The following SYNE1 variants were observed in gnomAD, a reference collection of about 807,000 sequenced individuals.
SYNE1 encodes the protein nesprin-1.
A neutral mutation model predicts 1,111.0 loss-of-function variants in SYNE1; 616 were observed. The ratio of observed to expected loss-of-function variants is 0.55; its 90% CI spans 0.52 to 0.59. SYNE1 has a LOEUF of 0.59. Among genes scored for constraint, SYNE1 ranks in the 20% least tolerant of loss-of-function variants. The probability of loss-of-function intolerance (pLI) is 0.00; values close to 1 mark genes in which losing one functional copy is unlikely to be tolerated. For missense variants in SYNE1, 10,006 were observed against 10,417.0 expected (o/e 0.96, Z 1.72); for synonymous variants, 3,855 against 3,825.8 (o/e 1.01, Z -0.28).
intron 6 of SYNE1, chr6:152,511,452 T>G (rs956287086): frequency 1.2e-6 from 1 of 865,552 alleles, no homozygotes; most frequent in Admixed American, 2.2e-5. Context: ...TAAAAGAAAC[T>G]GCAATGAGAA....
At chr6:152,328,798 A>G (rs758782176) in intron 78 of SYNE1, among the ~76,000 whole-genome samples, 6 of 152,042 alleles carry the variant, frequency 3.9e-5, no homozygotes, top group Non-Finnish European at 4.4e-5. Flanking sequence ...ACATGCTCCC[A>G]TTTCTTTTTG....
chr6:152,221,589 A>G (rs373506311), intron 117 of SYNE1, 30 bp from the exon 118 acceptor site: 3 of 1,613,268 alleles, frequency 1.9e-6, no homozygotes, highest in Non-Finnish European at 2.5e-6. Context: ...CATAGATGAC[A>G]TAACAGGATC....
At position 152,236,014 on chromosome 6, in the gene SYNE1, T is replaced by C. The variant is rs951562645; in HGVS notation, c.20396+93A>G. 1.0e-5 allele frequency: 14 copies of C among 1,376,798 alleles called. No individual in the cohort carries two copies. In the African/African-American group the frequency reaches 2.0e-4, roughly 20 times the overall value. 85.3% of individuals were successfully genotyped at this position (1,376,798 alleles called of 1,614,324 possible). ...CGTATTGGCCACCCAAGTAATGAGA[T>C]TATAGGTTTGAGCCATCATCCCCCA... On this transcript the variant is annotated intron_variant, in intron 110 of 145. Transcript: ENST00000367255.
chr6:152,216,154 T>A (rs1029648396), intron 121 of SYNE1, among the ~76,000 whole-genome samples: 4 of 152,234 alleles, frequency 2.6e-5, no homozygotes, highest in Non-Finnish European at 4.4e-5. Context: ...AGACTCATGT[T>A]TTTTGAAGAA....
chr6:152,409,390 T>G (rs2097970730), intron 43 of SYNE1, 164 bp from the exon 44 acceptor site: 1 of 1,113,808 alleles, frequency 9.0e-7, no homozygotes, highest in Non-Finnish European at 1.3e-6. Context: ...TTTCTTGAAT[T>G]GCTAGAATCC....
At chr6:152,355,489 G>A (rs534565262) in intron 66 of SYNE1, among the ~76,000 whole-genome samples, 105 of 152,212 alleles carry the variant, frequency 6.9e-4, no homozygotes, top group Non-Finnish European at 1.2e-3. Context: ...GAGAGTGCAG[G>A]GCACACAAAC....
intron 10 of SYNE1, among the ~76,000 whole-genome samples, chr6:152,500,492 C>A (rs550860659): frequency 6.6e-6 from 1 of 152,224 alleles, no homozygotes; most frequent in East Asian, 1.9e-4. Flanking sequence ...CTATCAAATG[C>A]CAAATTAATT....
chr6:152,272,248 G>A (rs527599227), intron 98 of SYNE1, among the ~76,000 whole-genome samples: 4 of 152,200 alleles, frequency 2.6e-5, no homozygotes, highest in Non-Finnish European at 5.9e-5. Flanking sequence ...GGATAAGAAG[G>A]TGCAGCCAGA....
chr6:152,455,913 C>T lies in SYNE1; in HGVS notation c.2700G>A (p.Gln900=), dbSNP rs868605315. Residue 900 remains glutamine (Q), a synonymous_variant, in exon 23 of 146, where the codon CAG becomes CAA. Transcript: ENST00000367255. The stretch of plus-strand genomic sequence containing the variant: ...GAAAAGCAACATGAATATCTGCAAT[C>T]TGTCTTTGTAGCCTCGTCTGATCAA... ...KHFDQTRLQR[Q]IADIHVAFQS... 6.2e-7 allele frequency: 1 copy of T among 1,614,126 alleles called. No individual in the cohort carries two copies. The highest frequency in any genetic ancestry group is 8.5e-7 in the Non-Finnish European group (1 of 1,179,996).
rs1159137526 is a variant in SYNE1, at chr6:152,315,197, C to CTATTTTT, written c.16710+1651_16710+1652insAAAAATA. On this transcript the variant is annotated intron_variant, in intron 87 of 145. Transcript: ENST00000367255. ...AGGAGCCAACAGGCCAGAGTAGTAA[C>CTATTTTT]TTTTTTTTTTTTTTTTTTTTTTTTG... The CTATTTTT allele has an allele frequency of 4.5e-5, 5 of 110,932 alleles. 1 individual carries two copies. Among genetic ancestry groups the CTATTTTT allele is most frequent in the Non-Finnish European group, 7.1e-5 (4 of 56,566 alleles). The allele number at this position is 110,932 out of a possible 1,614,324, so 6.9% of individuals were successfully genotyped here. A position where few individuals can be genotyped will look rare whatever the true frequency, so the allele number is the denominator to read the frequency against.
chr6:152,516,438 TA>T (rs1453978052), intron 6 of SYNE1, among the ~76,000 whole-genome samples: 4 of 152,226 alleles, frequency 2.6e-5, no homozygotes, highest in African/African-American at 4.8e-5. Context: ...GTGAAGTTGT[TA>T]AAGTTTTCGC....
intron 63 of SYNE1, 116 bp from the exon 64 acceptor site, chr6:152,362,439 G>T: frequency 7.0e-7 from 1 of 1,432,494 alleles, no homozygotes; most frequent in African/African-American, 1.4e-5. Flanking sequence ...TCAGGAAGAA[G>T]CTTGCTTGGG....
At position 152,146,024 on chromosome 6, in the gene SYNE1, C is replaced by CAAAAAAAAAAAAAAAAAAAAAAAAAAA. The variant is rs57218606; in HGVS notation, c.24976+2020_24976+2021insTTTTTTTTTTTTTTTTTTTTTTTTTTT. The stretch of plus-strand genomic sequence containing the variant: ...TGGGCAACAGAACTAGACTTCGTCT[C>CAAAAAAAAAAAAAAAAAAAAAAAAAAA]AAAAAAAAAAAAAAAAAAAAAAAAA... On this transcript the variant is annotated intron_variant, in intron 137 of 145. Transcript: ENST00000367255. The CAAAAAAAAAAAAAAAAAAAAAAAAAAA allele has an allele frequency of 4.0e-5, 2 of 49,668 alleles. 1 individual carries two copies. Among genetic ancestry groups the CAAAAAAAAAAAAAAAAAAAAAAAAAAA allele is most frequent in the Non-Finnish European group, 7.1e-5 (2 of 28,178 alleles). The allele number at this position is 49,668 out of a possible 1,614,324, so 3.1% of individuals were successfully genotyped here.
At chr6:152,577,502 G>C (rs975803533) in intron 3 of SYNE1, among the ~76,000 whole-genome samples, 2 of 151,976 alleles carry the variant, frequency 1.3e-5, no homozygotes, top group African/African-American at 4.8e-5. Context: ...GCATGGTGGC[G>C]GGCGCCTGTA....
intron 22 of SYNE1, among the ~76,000 whole-genome samples, chr6:152,457,159 G>GATA (rs370468057): frequency 4.6e-5 from 7 of 151,202 alleles, no homozygotes; most frequent in African/African-American, 1.7e-4. Flanking sequence ...CTTCACTACA[G>GATA]ATAATAATAA....
rs1480437637 is a variant in SYNE1 at position 152,256,845 on chromosome 6, T to C, written c.18973-80A>G. The C allele has an allele frequency of 3.8e-6, 6 of 1,583,714 alleles. No individual in the cohort carries two copies. In the Admixed American group the frequency reaches 5.0e-5, roughly 13 times the overall value. On this transcript the variant is annotated intron_variant, in intron 101 of 145. Coordinates refer to ENST00000367255, the MANE Select transcript of SYNE1 (RefSeq NM_182961.4). The stretch of plus-strand genomic sequence containing the variant: ...TCTCATTTGGAAATGCATACTGAAA[T>C]AGATGCTGAAAACACTGTCCATATG...
chr6:152,520,514 C>A lies in SYNE1; in HGVS notation c.254G>T (p.Arg85Leu). The part of the protein sequence containing the change: ...LPCEQGRRMK[R>L]IHAVANIGTA... ...GCCAATGTTAGCCACAGCATGGATT[C>A]GCTTCATCCGGCGTCCTTGTTCACA... The change falls in exon 6 of 146, where the codon CGA (arginine) becomes CTA (leucine). Residue 85 changes from arginine (R) to leucine (L), a missense_variant. Around this residue, in one of 7 missense-constraint regions of SYNE1, gnomAD observed 1,971 missense variants for 2,084.1 expected, o/e 0.95. Coordinates refer to ENST00000367255, the MANE Select transcript of SYNE1 (RefSeq NM_182961.4). 1 of 1,613,542 alleles carries A rather than the reference C, an allele frequency of 6.2e-7. No homozygotes were observed. The highest frequency in any genetic ancestry group is 8.5e-7 in the Non-Finnish European group (1 of 1,179,700).
At chr6:152,141,391 G>T in intron 138 of SYNE1, 62 bp from the exon 139 acceptor site, 1 of 1,605,296 alleles carries the variant, frequency 6.2e-7, no homozygotes, top group East Asian at 2.2e-5. Context: ...AAAGCTTCCG[G>T]GGAAAATCTC....
chr6:152,460,799 CTTTTTTTTTTTTTTTT>C lies in SYNE1; in HGVS notation c.2394+782_2394+797del, dbSNP rs869295894. 1.6e-4 allele frequency among the ~76,000 whole-genome samples: 11 copies of C among 67,538 alleles called. No homozygotes were observed. The Admixed American group carries it at 2.2e-3, about 14-fold the overall frequency. 44.3% of individuals were successfully genotyped at this position (67,538 alleles called of 152,430 possible). A position where few individuals can be genotyped will look rare whatever the true frequency, so the allele number is the denominator to read the frequency against. On this transcript the variant is annotated intron_variant, in intron 21 of 145. Coordinates refer to ENST00000367255, the MANE Select transcript of SYNE1 (RefSeq NM_182961.4). ...CAGAAAAGGTATAAATGTATATAATCTTTTTTTTTTTTTTTTTTTTTTTTTTTTTGAGACAAAGAGT... is the reference window on the plus strand; with the variant it reads ...CAGAAAAGGTATAAATGTATATAATCTTTTTTTTTTTTTGAGACAAAGAGT...
Sources: gnomAD v4.1 joint callset for allele counts (sites outside exome capture counted in the v4.1 genomes callset) on GRCh38, gnomAD v4.1.1 for gene constraint, gnomAD v4.1.1 regional missense constraint, MANE v1.5 for transcripts, NCBI Gene and HGNC (gene_info 2026-07-23, HGNC 2026-07-21) for gene names.